ORC4: variants seen among roughly 807,000 people sequenced by gnomAD.
ORC4 encodes origin recognition complex subunit 4.
ORC4 carries 55 observed loss-of-function variants against 63.9 expected under a neutral mutation model. The observed-to-expected ratio is 0.86, with a 90% confidence interval of 0.69 to 1.08. The LOEUF (loss-of-function observed/expected upper bound fraction) is 1.08. Among genes scored for constraint, ORC4 ranks in the 50% least tolerant of loss-of-function variants. ORC4 has a pLI of 0.00. For synonymous variants in ORC4, 150 were observed against 168.5 expected (o/e 0.89, Z 0.85); for missense variants, 511 against 504.4 (o/e 1.01, Z -0.13).
intron 13 of ORC4, chr2:147,936,568 T>C (rs1573738558): frequency 1.3e-5 from 2 of 152,274 alleles, no homozygotes; most frequent in East Asian, 1.9e-4. Context: ...ATTCTTCTGA[T>C]AGAGAAACAG....
intron 6 of ORC4, among the ~76,000 whole-genome samples, chr2:147,956,837 T>G (rs1029606717): frequency 2.0e-5 from 3 of 151,858 alleles, no homozygotes; most frequent in African/African-American, 4.8e-5. Context: ...AAAACCAATA[T>G]GAATATGTAA....
At chr2:148,009,878 T>C (rs1358378512) in intron 1 of ORC4, among the ~76,000 whole-genome samples, 1 of 152,072 alleles carries the variant, frequency 6.6e-6, no homozygotes, top group African/African-American at 2.4e-5. Context: ...CTGCTACATA[T>C]AAGAAACCCA....
chr2:147,944,936 T>C (rs1688573291), intron 9 of ORC4, among the ~76,000 whole-genome samples: 1 of 151,928 alleles, frequency 6.6e-6, no homozygotes, highest in African/African-American at 2.4e-5. Flanking sequence ...TCTTTTTCTA[T>C]CACAAACACG....
chr2:147,995,752 G>A (rs754387821), intron 1 of ORC4, among the ~76,000 whole-genome samples: 4 of 151,654 alleles, frequency 2.6e-5, no homozygotes, highest in Non-Finnish European at 5.9e-5. Context: ...AGAAACTCCG[G>A]ACACATCTGA....
At chr2:147,966,039 A>G (rs974712788) in intron 4 of ORC4, among the ~76,000 whole-genome samples, 1 of 152,114 alleles carries the variant, frequency 6.6e-6, no homozygotes, top group South Asian at 2.1e-4. Flanking sequence ...GACCTGGTCT[A>G]TATTTTTTTT....
At position 147,955,358 on chromosome 2, in the gene ORC4, G is replaced by T; in HGVS notation, c.425C>A (p.Ala142Asp). ...ATGTTAATATTTACCTTTTTTTAAA[G>T]CTTCCAGAAGAAATGAAAGGTTTTC... The part of the protein sequence containing the change: ...FAENLSFLLE[A>D]LKKGDRTSSC... The change falls in exon 7 of 14, where the codon GCT (alanine) becomes GAT (aspartate). Residue 142 changes from alanine to aspartate, a missense_variant. Transcript: ENST00000392857. 6.3e-7 allele frequency: 1 copy of T among 1,599,902 alleles called. No individual in the cohort carries two copies. The highest frequency in any genetic ancestry group is 8.6e-7 in the Non-Finnish European group (1 of 1,169,248).
intron 1 of ORC4, among the ~76,000 whole-genome samples, chr2:148,013,338 A>C (rs1693086364): frequency 6.6e-6 from 1 of 152,222 alleles, no homozygotes; most frequent in African/African-American, 2.4e-5. Flanking sequence ...GACAAGTATC[A>C]CATGTTCTCA....
chr2:147,993,591 T>TC (rs889791708), intron 1 of ORC4, among the ~76,000 whole-genome samples: 2 of 152,022 alleles, frequency 1.3e-5, no homozygotes, highest in South Asian at 2.1e-4. Context: ...ATGTTGTCCA[T>TC]CCCCCCATCA....
chr2:147,987,803 C>T (rs964242206), intron 1 of ORC4, among the ~76,000 whole-genome samples: 1 of 152,016 alleles, frequency 6.6e-6, no homozygotes, highest in Non-Finnish European at 1.5e-5. Flanking sequence ...CCTGTAATCC[C>T]AGCACTTTGG....
intron 1 of ORC4, among the ~76,000 whole-genome samples, chr2:147,978,018 C>T (rs1690665899): frequency 6.6e-6 from 1 of 152,184 alleles, no homozygotes. Flanking sequence ...TTGAGAGGGG[C>T]TGGAGCCACT....
chr2:147,993,694 GA>G (rs1216588849), intron 1 of ORC4, among the ~76,000 whole-genome samples: 1 of 152,080 alleles, frequency 6.6e-6, no homozygotes, highest in Non-Finnish European at 1.5e-5. Flanking sequence ...TTTTGGGTGG[GA>G]AAAGGAGAGC....
At chr2:147,950,471 A>G (rs1688889351) in intron 8 of ORC4, among the ~76,000 whole-genome samples, 1 of 152,226 alleles carries the variant, frequency 6.6e-6, no homozygotes, top group Non-Finnish European at 1.5e-5. Flanking sequence ...ATACACAGAT[A>G]AAATTATACT....
intron 1 of ORC4, among the ~76,000 whole-genome samples, chr2:147,996,217 C>A (rs1262296344): frequency 6.6e-6 from 1 of 151,916 alleles, no homozygotes; most frequent in Non-Finnish European, 1.5e-5. Context: ...GGCAGGAGAA[C>A]CACTTGAACC....
intron 4 of ORC4, among the ~76,000 whole-genome samples, chr2:147,962,757 C>A (rs1183962702): frequency 6.6e-6 from 1 of 152,034 alleles, no homozygotes; most frequent in Non-Finnish European, 1.5e-5. Context: ...GGCTATGCAC[C>A]CACACTCAGA....
intron 1 of ORC4, among the ~76,000 whole-genome samples, chr2:148,006,106 G>A (rs139597869): frequency 3.4e-3 from 521 of 152,262 alleles, no homozygotes; most frequent in East Asian, 8.3e-3. Context: ...ACAGTCTTGC[G>A]CTGACTACAC....
At chr2:147,985,979 G>A (rs544835320) in intron 1 of ORC4, among the ~76,000 whole-genome samples, 16 of 152,144 alleles carry the variant, frequency 1.1e-4, no homozygotes, top group African/African-American at 3.6e-4. Context: ...TTTTCTTTAG[G>A]AGACAAAACA....
intron 1 of ORC4, among the ~76,000 whole-genome samples, chr2:147,987,870 G>C (rs1370834452): frequency 2.6e-5 from 4 of 151,958 alleles, no homozygotes; most frequent in Non-Finnish European, 4.4e-5. Context: ...TGGCTAACAT[G>C]ATGAAACCCC....
intron 9 of ORC4, among the ~76,000 whole-genome samples, chr2:147,946,562 A>G (rs773597966): frequency 8.5e-5 from 13 of 152,098 alleles, no homozygotes; most frequent in South Asian, 2.1e-4. Flanking sequence ...TATAATTAGA[A>G]ATAGTATCAA....
At chr2:147,946,559 A>G (rs2105281653) in intron 9 of ORC4, among the ~76,000 whole-genome samples, 1 of 152,222 alleles carries the variant, frequency 6.6e-6, no homozygotes, top group Non-Finnish European at 1.5e-5. Flanking sequence ...TCCTATAATT[A>G]GAAATAGTAT....
Sources: gnomAD v4.1 joint callset for allele counts (sites outside exome capture counted in the v4.1 genomes callset) on GRCh38, gnomAD v4.1.1 for gene constraint, MANE v1.5 for transcripts, NCBI Gene and HGNC (gene_info 2026-07-23, HGNC 2026-07-21) for gene names.